NDNF: variants seen among roughly 807,000 people sequenced by gnomAD.
NDNF encodes the protein neuron derived neurotrophic factor, also known as protein NDNF.
A neutral mutation model predicts 42.0 loss-of-function variants in NDNF; 16 were observed. The ratio of observed to expected loss-of-function variants is 0.38; its 90% CI spans 0.26 to 0.58. The LOEUF (loss-of-function observed/expected upper bound fraction) is 0.58. NDNF is among the 20% of genes least tolerant of loss of function. NDNF has a pLI of 0.67. For synonymous variants in NDNF, 248 were observed against 251.7 expected (o/e 0.99, Z 0.14); for missense variants, 616 against 666.2 (o/e 0.92, Z 0.83).
At chr4:121,063,523 A>C (rs1727449199) in intron 1 of NDNF, among the ~76,000 whole-genome samples, 2 of 152,248 alleles carry the variant, frequency 1.3e-5, no homozygotes, top group Non-Finnish European at 2.9e-5. Flanking sequence ...GAACATTGTA[A>C]TACCCGGATT....
Position 121,042,503 on chromosome 4 carries a change from C to A in NDNF, c.189-2449G>T, listed in dbSNP as rs2148764361. Among the ~76,000 whole-genome samples, 4 of 152,256 alleles carry A rather than the reference C, an allele frequency of 2.6e-5. No individual in the cohort carries two copies. In the East Asian group the frequency reaches 5.8e-4, roughly 22 times the overall value. ...CAGTAAAGTTAAACAATCATCTAGA[C>A]AAAATAGATGATTGAATTGTTTACT... On this transcript the variant is annotated intron_variant, in intron 2 of 3. Coordinates refer to ENST00000379692, the MANE Select transcript of NDNF (RefSeq NM_024574.4).
chr4:121,062,639 A>G (rs1197217866), intron 1 of NDNF, among the ~76,000 whole-genome samples: 1 of 152,208 alleles, frequency 6.6e-6, no homozygotes, highest in African/African-American at 2.4e-5. Context: ...CAGACCCACA[A>G]TTATGTAATC....
chr4:121,070,245 A>G (rs1244047167), intron 1 of NDNF, among the ~76,000 whole-genome samples: 1 of 152,082 alleles, frequency 6.6e-6, no homozygotes, highest in Non-Finnish European at 1.5e-5. Context: ...AATCATACCG[A>G]TCGCCCTCAC....
At chr4:121,054,470 T>C (rs1313379442) in intron 1 of NDNF, among the ~76,000 whole-genome samples, 2 of 152,238 alleles carry the variant, frequency 1.3e-5, no homozygotes, top group South Asian at 2.1e-4. Context: ...GAAAATACTA[T>C]TGCTGCTAGC....
chr4:121,043,230 C>T (rs986312534), intron 2 of NDNF, among the ~76,000 whole-genome samples: 2 of 152,122 alleles, frequency 1.3e-5, no homozygotes, highest in Non-Finnish European at 2.9e-5. Context: ...GGGATAAGCA[C>T]ACCATGAGCC....
At chr4:121,065,573 T>A (rs1369885819) in intron 1 of NDNF, among the ~76,000 whole-genome samples, 1 of 151,704 alleles carries the variant, frequency 6.6e-6, no homozygotes, top group African/African-American at 2.4e-5. Flanking sequence ...GGACAGCTTC[T>A]GATAGTGTCA....
At chr4:121,064,843 A>T (rs1051591289) in intron 1 of NDNF, among the ~76,000 whole-genome samples, 7 of 152,214 alleles carry the variant, frequency 4.6e-5, no homozygotes, top group Non-Finnish European at 1.0e-4. Context: ...AGACAATTAC[A>T]GTAGATATAA....
At chr4:121,061,422 A>G (rs994445018) in intron 1 of NDNF, 1 of 153,498 alleles carries the variant, frequency 6.5e-6, no homozygotes, top group African/African-American at 2.4e-5. Context: ...GATCAGCTGA[A>G]TCAACCCTGG....
chr4:121,041,547 A>C (rs965458616), intron 2 of NDNF, among the ~76,000 whole-genome samples: 1 of 152,200 alleles, frequency 6.6e-6, no homozygotes, highest in Non-Finnish European at 1.5e-5. Flanking sequence ...ATCCAGGCTC[A>C]TACAATTAAG....
intron 1 of NDNF, among the ~76,000 whole-genome samples, chr4:121,053,087 C>T (rs1727227305): frequency 1.3e-5 from 2 of 152,184 alleles, no homozygotes; most frequent in African/African-American, 4.8e-5. Flanking sequence ...TAAATGCAGG[C>T]TGTCAGTACA....
chr4:121,036,163 A>G lies in NDNF; in HGVS notation c.*101T>C, dbSNP rs1031041930. The G allele has an allele frequency of 2.2e-6, 2 of 900,426 alleles. No individual in the cohort carries two copies. The highest frequency in any genetic ancestry group is 3.4e-6 in the Non-Finnish European group (2 of 579,722). 55.8% of individuals were successfully genotyped at this position (900,426 alleles called of 1,614,324 possible). ...ATCCTTCCTTCCATAGTACAAGTAC[A>G]GGTCACAACTTCTCTCAACTGTGGG... On this transcript the variant is annotated 3_prime_UTR_variant, in exon 4 of 4. Transcript: ENST00000379692.
intron 1 of NDNF, chr4:121,071,680 G>A (rs1727604905): frequency 1.3e-5 from 2 of 152,580 alleles, no homozygotes; most frequent in Non-Finnish European, 2.9e-5. Context: ...CCCTTGCGCT[G>A]TCTGTCCACC....
intron 1 of NDNF, among the ~76,000 whole-genome samples, chr4:121,069,385 C>T (rs941317416): frequency 1.3e-5 from 2 of 152,132 alleles, no homozygotes; most frequent in African/African-American, 4.8e-5. Context: ...TTGTTACATC[C>T]TAAGAGATAA....
chr4:121,055,669 G>A lies in NDNF; in HGVS notation c.-1-9831C>T, dbSNP rs116944501. 2.0e-4 allele frequency among the ~76,000 whole-genome samples: 31 copies of A among 152,212 alleles called. No homozygotes were observed. In the East Asian group the frequency reaches 5.0e-3, roughly 25 times the overall value. ...AAATGATGAGAAACATAAATGAGGAGAGGCTACAGTGGAAATTAGTAGGAA... is the reference window on the plus strand; with the variant it reads ...AAATGATGAGAAACATAAATGAGGAAAGGCTACAGTGGAAATTAGTAGGAA... On this transcript the variant is annotated intron_variant, in intron 1 of 3. Transcript: ENST00000379692.
chr4:121,051,413 TAA>T (rs1443660103), intron 1 of NDNF, among the ~76,000 whole-genome samples: 1 of 152,156 alleles, frequency 6.6e-6, no homozygotes, highest in Non-Finnish European at 1.5e-5. Context: ...TTAGATAAAA[TAA>T]ACTGTCCAAC....
At chr4:121,066,062 C>A (rs1727494567) in intron 1 of NDNF, among the ~76,000 whole-genome samples, 1 of 152,036 alleles carries the variant, frequency 6.6e-6, no homozygotes, top group Non-Finnish European at 1.5e-5. Context: ...TTCCCTGGTA[C>A]CTCTAAGGCC....
At chr4:121,037,717 TTAAG>T in intron 3 of NDNF, 60 bp from the exon 4 acceptor site, 1 of 1,272,264 alleles carries the variant, frequency 7.9e-7, no homozygotes, top group Middle Eastern at 1.9e-4. Context: ...CTTGCCAACC[TTAAG>T]TTATCCTTTT....
intron 3 of NDNF, among the ~76,000 whole-genome samples, chr4:121,038,614 T>C (rs750648012): frequency 3.9e-5 from 6 of 152,106 alleles, no homozygotes; most frequent in Non-Finnish European, 8.8e-5. Flanking sequence ...CAGCTTATCA[T>C]TGCAGGTTGA....
At chr4:121,071,347 C>G (rs1190972296) in intron 1 of NDNF, 4 of 152,264 alleles carry the variant, frequency 2.6e-5, no homozygotes, top group Admixed American at 1.3e-4. Flanking sequence ...GCCTACCACG[C>G]AGAGGACAAA....
Sources: allele counts gnomAD v4.1 joint callset (sites outside exome capture counted in the v4.1 genomes callset), GRCh38; gene constraint gnomAD v4.1.1; transcripts MANE v1.5; gene names NCBI Gene and HGNC (gene_info 2026-07-23, HGNC 2026-07-21).